Variants in FARP2 observed in about 807,000 individuals in gnomAD.
The protein encoded by FARP2 is FERM, ARH/RhoGEF and pleckstrin domain protein 2.
A neutral mutation model predicts 130.5 loss-of-function variants in FARP2; 111 were observed. The ratio of observed to expected loss-of-function variants is 0.85; its 90% CI spans 0.73 to 1.00. The LOEUF is 1.00. Among genes scored for constraint, FARP2 ranks in the 50% least tolerant of loss-of-function variants. FARP2 has a pLI of 0.00. For missense variants in FARP2, 1,385 were observed against 1,346.3 expected (o/e 1.03, Z -0.45); for synonymous variants, 504 against 516.9 (o/e 0.98, Z 0.34).
chr2:241,488,957 T>C (rs1045642814), intron 21 of FARP2: 1 of 152,220 alleles, frequency 6.6e-6, no homozygotes, highest in Non-Finnish European at 1.5e-5. Context: ...TAAAAAAGAT[T>C]CTTTGCTATT....
chr2:241,435,908 A>ATTTTTTTT (rs34703186), intron 11 of FARP2, among the ~76,000 whole-genome samples: 4 of 101,000 alleles, frequency 4.0e-5, no homozygotes, highest in East Asian at 6.3e-4. Flanking sequence ...AGTATAGTAA[A>ATTTTTTTT]TTTTTTTTTT....
chr2:241,402,885 T>A (rs1179130712), intron 2 of FARP2, among the ~76,000 whole-genome samples: 4 of 51,916 alleles, frequency 7.7e-5, no homozygotes, highest in East Asian at 2.0e-3. Flanking sequence ...TATATATTTT[T>A]TTTTTTTTTT....
At chr2:241,453,769 GTTTTTTTTTTT>G (rs1180224982) in intron 13 of FARP2, among the ~76,000 whole-genome samples, 2 of 54,020 alleles carry the variant, frequency 3.7e-5, no homozygotes, top group Non-Finnish European at 7.1e-5. Flanking sequence ...GCACTTACTG[GTTTTTTTTTTT>G]TTTTTTTTTT....
chr2:241,443,174 T>TG, intron 13 of FARP2: 4 of 200,706 alleles, frequency 2.0e-5, no homozygotes, highest in South Asian at 8.0e-5. Context: ...ACTGGGACTC[T>TG]GGGGGGACAG....
chr2:241,416,649 G>A (rs374116530), intron 7 of FARP2, among the ~76,000 whole-genome samples: 21 of 152,144 alleles, frequency 1.4e-4, no homozygotes, highest in African/African-American at 4.6e-4. Flanking sequence ...GAGAAAAGTC[G>A]GGCACAGTGG....
In FARP2 at chr2:241,491,194, C is replaced by G. The variant is rs548044873; in HGVS notation, c.2623+15C>G. On this transcript the variant is annotated intron_variant, in intron 23 of 26. Coordinates refer to ENST00000264042, the MANE Select transcript of FARP2 (RefSeq NM_014808.4). ...TCGTCCCCCCAGTGAGTGCTGGCCACAACCCCCCAGGAGACCTCCACTACA... is the reference window on the plus strand; with the variant it reads ...TCGTCCCCCCAGTGAGTGCTGGCCAGAACCCCCCAGGAGACCTCCACTACA... 1 of 1,581,550 alleles carries G rather than the reference C, an allele frequency of 6.3e-7. No homozygotes were observed. Among genetic ancestry groups the G allele is most frequent in the South Asian group, 1.1e-5 (1 of 90,468 alleles).
chr2:241,438,233 A>G (rs143840855), intron 12 of FARP2, among the ~76,000 whole-genome samples: 150 of 152,314 alleles, frequency 9.8e-4, no homozygotes, highest in Non-Finnish European at 1.7e-3. Flanking sequence ...ATAGCACTTC[A>G]GAAGCTACAC....
chr2:241,465,906 GCCTAGGTGC>G, intron 17 of FARP2: 1 of 1,436,374 alleles, frequency 7.0e-7, no homozygotes, highest in South Asian at 1.5e-5. Context: ...ACTGCATTCA[GCCTAGGTGC>G]CCTTTTCCTG....
chr2:241,491,438 G>A, intron 23 of FARP2, 78 bp from the exon 24 acceptor site: 1 of 1,519,950 alleles, frequency 6.6e-7, no homozygotes, highest in Non-Finnish European at 9.0e-7. Context: ...ACCCCCGAGA[G>A]GAACCCAAGG....
chr2:241,493,176 C>A, intron 25 of FARP2, 117 bp from the exon 26 acceptor site: 1 of 1,288,210 alleles, frequency 7.8e-7, no homozygotes, highest in Non-Finnish European at 1.1e-6. Flanking sequence ...AACAGGGAAA[C>A]TGGCTCCCTT....
chr2:241,428,494 C>A (rs1176963241), intron 8 of FARP2, among the ~76,000 whole-genome samples: 2 of 152,012 alleles, frequency 1.3e-5, no homozygotes, highest in Non-Finnish European at 2.9e-5. Context: ...CAGCACCTGG[C>A]CTTCAATATT....
chr2:241,368,265 A>G (rs1464753719), intron 1 of FARP2, among the ~76,000 whole-genome samples: 2 of 152,116 alleles, frequency 1.3e-5, no homozygotes, highest in East Asian at 3.9e-4. Context: ...TCACGTTGAA[A>G]GAAGATGGCA....
At chr2:241,440,277 C>CGT (rs1434121362) in intron 12 of FARP2, among the ~76,000 whole-genome samples, 3 of 152,244 alleles carry the variant, frequency 2.0e-5, no homozygotes, top group Admixed American at 1.3e-4. Flanking sequence ...AACGATGTGG[C>CGT]GTGTGTATAT....
chr2:241,360,482 C>A (rs999910642), intron 1 of FARP2, among the ~76,000 whole-genome samples: 2 of 151,966 alleles, frequency 1.3e-5, no homozygotes, highest in African/African-American at 4.8e-5. Context: ...ACCATCCTGG[C>A]TAACACAGTG....
intron 1 of FARP2, among the ~76,000 whole-genome samples, chr2:241,366,127 A>ATATATATACATATATATATACG (rs373040817): frequency 5.1e-5 from 7 of 136,482 alleles, no homozygotes; most frequent in African/African-American, 1.1e-4. Flanking sequence ...ATATACGTAT[A>ATATATATACATATATATATACG]TATATATATA....
chr2:241,434,303 G>A lies in FARP2; in HGVS notation c.1013G>A (p.Gly338Asp), dbSNP rs749572946. The change falls in exon 10 of 27, where the codon GGC becomes GAC. Residue 338 changes from glycine (G) to aspartate (D), a missense_variant. By Grantham distance (94) the Gly-to-Asp change is moderately conservative. Coordinates refer to ENST00000264042, the MANE Select transcript of FARP2 (RefSeq NM_014808.4). ...GCAAAAGCCGTCTTCTTCAGCCGGG[G>A]CTCCTCCTTCAGATACAGGTAGGGG... ...PKAKAVFFSR[G>D]SSFRYSGRTQ... is the part of the protein sequence containing the mutation. The A allele has an allele frequency of 6.2e-7, 1 of 1,612,378 alleles. No homozygotes were observed. Among genetic ancestry groups the A allele is most frequent in the Non-Finnish European group, 8.5e-7 (1 of 1,179,438 alleles).
At chr2:241,372,805 G>A (rs2061452669) in intron 1 of FARP2, 1 of 177,948 alleles carries the variant, frequency 5.6e-6, no homozygotes, top group Admixed American at 6.3e-5. Flanking sequence ...TCGTTTGTGA[G>A]GTCTAACAGG....
intron 14 of FARP2, among the ~76,000 whole-genome samples, chr2:241,457,464 A>G (rs1200239170): frequency 7.7e-6 from 1 of 129,924 alleles, no homozygotes; most frequent in African/African-American, 2.9e-5. Flanking sequence ...AGGGTACACT[A>G]GGGACCGCTT....
At chr2:241,476,593 G>A (rs145228013) in intron 19 of FARP2, among the ~76,000 whole-genome samples, 2,688 of 152,256 alleles carry the variant, frequency 0.018, 60 homozygotes, top group African/African-American at 0.057. Flanking sequence ...GGAGGCTGAG[G>A]CAGGAGAATC....
Sources: gnomAD v4.1 joint callset for allele counts (sites outside exome capture counted in the v4.1 genomes callset) on GRCh38, gnomAD v4.1.1 for gene constraint, MANE v1.5 for transcripts, NCBI Gene and HGNC (gene_info 2026-07-23, HGNC 2026-07-21) for gene names.